Variants in IQSEC1 observed in about 807,000 individuals in gnomAD.
IQSEC1 encodes IQ motif and Sec7 domain ArfGEF 1.
A neutral mutation model predicts 91.0 loss-of-function variants in IQSEC1; 31 were observed. The ratio of observed to expected loss-of-function variants is 0.34; its 90% CI spans 0.26 to 0.46. IQSEC1 has a LOEUF of 0.46. IQSEC1 is among the 20% of genes least tolerant of loss of function. IQSEC1 has a pLI of 1.00. For synonymous variants in IQSEC1, 699 were observed against 662.6 expected, an observed-to-expected ratio of 1.05 and a Z score of -0.84; for missense variants, 1,388 against 1,575.6, an observed-to-expected ratio of 0.88 and a Z score of 2.02.
At chr3:13,026,864 GTTTT>G (rs1553680571) in intron 1 of IQSEC1, among the ~76,000 whole-genome samples, 2 of 90,864 alleles carry the variant, frequency 2.2e-5, no homozygotes, top group African/African-American at 6.7e-5. Context: ...TATCTCCCCA[GTTTT>G]TTTTTTTTTT....
At chr3:13,227,482 G>A (rs538230524) in intron 1 of IQSEC1, among the ~76,000 whole-genome samples, 14 of 151,890 alleles carry the variant, frequency 9.2e-5, no homozygotes, top group African/African-American at 3.4e-4. Context: ...GGAGGGGCAA[G>A]AGGAAGTGCA....
chr3:12,997,652 G>C (rs1394570944), intron 1 of IQSEC1, among the ~76,000 whole-genome samples: 1 of 152,184 alleles, frequency 6.6e-6, no homozygotes. Context: ...CTACAAACCT[G>C]TTCAGCATAT....
Position 13,259,999 on chromosome 3 carries a change from T to C in IQSEC1, c.272+22712A>G, listed in dbSNP as rs1461832515. 1.3e-5 allele frequency among the ~76,000 whole-genome samples: 2 copies of C among 152,260 alleles called. No individual in the cohort carries two copies. The highest frequency in any genetic ancestry group is 1.9e-4 in the East Asian group (1 of 5,204). ...AGGCAGACTTCTGCAAGGAATCACA[T>C]TGTTCTAGCAAAAGTTGTGCCTGCC... On this transcript the variant is annotated intron_variant, in intron 1 of 15. Coordinates refer to the IQSEC1 transcript ENST00000648114. The surrounding 1 kb of genome is among the most constrained non-coding windows in gnomAD (Gnocchi z 4.6).
chr3:12,929,861 G>A (rs557590611), intron 3 of IQSEC1, among the ~76,000 whole-genome samples: 2 of 152,194 alleles, frequency 1.3e-5, no homozygotes, highest in Non-Finnish European at 2.9e-5. Context: ...CTCCATCCCT[G>A]CTGTGTGCTC....
intron 1 of IQSEC1, among the ~76,000 whole-genome samples, chr3:13,012,080 A>G (rs1167222381): frequency 6.6e-6 from 1 of 152,198 alleles, no homozygotes; most frequent in Non-Finnish European, 1.5e-5. Flanking sequence ...GGTGTGGCAC[A>G]CGGTAGGTGT....
intron 1 of IQSEC1, among the ~76,000 whole-genome samples, chr3:13,274,776 C>T (rs1576319309): frequency 6.6e-6 from 1 of 152,254 alleles, no homozygotes; most frequent in African/African-American, 2.4e-5. Context: ...CACACTGGCA[C>T]CCACTGCCCA....
At chr3:13,015,812 C>G in intron 1 of IQSEC1, 1 of 787,268 alleles carries the variant, frequency 1.3e-6, no homozygotes, top group Non-Finnish European at 1.5e-6. Context: ...GGGGCTCCTT[C>G]CAGGTCTGGC....
intron 2 of IQSEC1, among the ~76,000 whole-genome samples, chr3:13,127,600 C>T: frequency 6.6e-6 from 1 of 151,906 alleles, no homozygotes; most frequent in East Asian, 1.9e-4. Context: ...TTGTTTTAAG[C>T]TATTCTAGGT....
chr3:12,987,099 T>C lies in IQSEC1; in HGVS notation c.24-45234A>G, dbSNP rs545039865. ...GTCCCCCATCTGGTGCTGCGGCCAG[T>C]GCGGGTCATAAACCCTGAGCCCCTG... On this transcript the variant is annotated intron_variant, in intron 1 of 13. Coordinates refer to ENST00000613206, the MANE Select transcript of IQSEC1 (RefSeq NM_001134382.3). The C allele has an allele frequency of 9.1e-4, 309 of 340,198 alleles. 4 individuals carry two copies. Among genetic ancestry groups the C allele is most frequent in the South Asian group, 6.3e-3 (304 of 48,414 alleles). 21.1% of individuals were successfully genotyped at this position (340,198 alleles called of 1,614,324 possible).
chr3:12,951,606 G>T (rs932531499), intron 1 of IQSEC1, among the ~76,000 whole-genome samples: 1 of 152,212 alleles, frequency 6.6e-6, no homozygotes, highest in African/African-American at 2.4e-5. Flanking sequence ...GATGCCTAAA[G>T]CCTTACAGCC....
chr3:12,923,558 G>C (rs934728527), intron 4 of IQSEC1, among the ~76,000 whole-genome samples: 1 of 152,244 alleles, frequency 6.6e-6, no homozygotes, highest in African/African-American at 2.4e-5. Context: ...GTGGGACGGG[G>C]ACTACATGAG....
chr3:13,017,928 G>C (rs947606595), intron 1 of IQSEC1, among the ~76,000 whole-genome samples: 17 of 152,160 alleles, frequency 1.1e-4, no homozygotes, highest in Non-Finnish European at 1.8e-4. Flanking sequence ...CCCGGAGATA[G>C]ACAGCACGAG....
chr3:13,151,591 G>A (rs1002808329), intron 2 of IQSEC1, among the ~76,000 whole-genome samples: 45 of 152,342 alleles, frequency 3.0e-4, no homozygotes, highest in African/African-American at 1.0e-3. Context: ...ACAGGGGCAG[G>A]CTCGGTGGCC....
At chr3:13,275,740 C>G (rs1258531734) in intron 1 of IQSEC1, among the ~76,000 whole-genome samples, 1 of 152,238 alleles carries the variant, frequency 6.6e-6, no homozygotes, top group South Asian at 2.1e-4. Flanking sequence ...TCTCCATCTC[C>G]TATTTGCATG....
In IQSEC1 at chr3:13,211,401, C is replaced by T. The variant is rs1488351502; in HGVS notation, c.273-47268G>A. Among the ~76,000 whole-genome samples the T allele has an allele frequency of 6.6e-6, 1 of 152,214 alleles. No homozygotes were observed. The highest frequency in any genetic ancestry group is 1.9e-4 in the East Asian group (1 of 5,194). On this transcript the variant is annotated intron_variant, in intron 1 of 15. Coordinates refer to the IQSEC1 transcript ENST00000648114. This position sits in a 1 kb window ranked among gnomAD's most constrained non-coding sequence, Gnocchi z 5.3. Reference sequence around the variant, plus strand: ...GGGAGGAAATATTCCTGCCTGAGGTCTCTGTTTTCTGGGCCCCCACGGGCC... The same window carrying T: ...GGGAGGAAATATTCCTGCCTGAGGTTTCTGTTTTCTGGGCCCCCACGGGCC...
At chr3:13,240,628 C>A (rs1366520635) in intron 1 of IQSEC1, among the ~76,000 whole-genome samples, 1 of 152,184 alleles carries the variant, frequency 6.6e-6, no homozygotes, top group Non-Finnish European at 1.5e-5. Flanking sequence ...CAGCGCCACC[C>A]TCACAATCCC....
At chr3:13,026,160 C>T (rs1191062198) in intron 1 of IQSEC1, among the ~76,000 whole-genome samples, 1 of 152,206 alleles carries the variant, frequency 6.6e-6, no homozygotes, top group Non-Finnish European at 1.5e-5. Flanking sequence ...GTCCTCGCTT[C>T]CTGTGCCCCT....
rs768263052 is a variant in IQSEC1, at chr3:12,920,546, G to A, written c.1904C>T (p.Pro635Leu). The change falls in exon 6 of 14, where the codon CCA (proline) becomes CTA (leucine). Residue 635 changes from proline to leucine, a missense_variant. Coordinates refer to ENST00000613206, the MANE Select transcript of IQSEC1 (RefSeq NM_001134382.3). ...NPGVVRQFRN[P>L]DTIFILAFAI... is the part of the protein sequence containing the mutation. Reference sequence around the variant, plus strand: ...GAAGGCCAGGATGAAAATGGTGTCTGGGTTCCGGAATTGCCGCACCACCCC... The same window carrying A: ...GAAGGCCAGGATGAAAATGGTGTCTAGGTTCCGGAATTGCCGCACCACCCC... 1.9e-6 allele frequency: 3 copies of A among 1,614,212 alleles called. No individual in the cohort carries two copies. The highest frequency in any genetic ancestry group is 1.7e-5 in the Admixed American group (1 of 60,038).
intron 2 of IQSEC1, among the ~76,000 whole-genome samples, chr3:13,079,399 G>C (rs1208521371): frequency 6.6e-6 from 1 of 152,258 alleles, no homozygotes; most frequent in African/African-American, 2.4e-5. Context: ...AGCATGCCTT[G>C]GGCGGTGGTG....
Sources: gnomAD v4.1 joint callset for allele counts (sites outside exome capture counted in the v4.1 genomes callset) on GRCh38, gnomAD v4.1.1 for gene constraint, Gnocchi (gnomAD v3.1) non-coding constraint, MANE v1.5 for transcripts, NCBI Gene and HGNC (gene_info 2026-07-23, HGNC 2026-07-21) for gene names.